Variants in GRIP1 observed in about 807,000 individuals in gnomAD.
The protein encoded by GRIP1 is glutamate receptor-interacting protein 1.
A neutral mutation model predicts 129.9 loss-of-function variants in GRIP1; 45 were observed. That is an observed-to-expected ratio of 0.35 (90% CI 0.27 to 0.44). The LOEUF (loss-of-function observed/expected upper bound fraction) is 0.44, where lower values mean the gene tolerates loss of function less well. Among genes scored for constraint, GRIP1 ranks in the 20% least tolerant of loss-of-function variants. GRIP1 has a pLI of 1.00. For missense variants in GRIP1, 1,196 were observed against 1,396.8 expected (o/e 0.86, Z 2.29); for synonymous variants, 530 against 520.8 (o/e 1.02, Z -0.24).
At chr12:66,756,979 G>A (rs572350000) in intron 1 of GRIP1, among the ~76,000 whole-genome samples, 1 of 152,236 alleles carries the variant, frequency 6.6e-6, no homozygotes, top group African/African-American at 2.4e-5. Flanking sequence ...TACAGAGTAG[G>A]TGTATATATT....
chr12:66,756,897 C>T lies in GRIP1; in HGVS notation c.-420+47156G>A, dbSNP rs570599749. ...CACTAACCATGTGGTGCTAGATAAC[C>T]GCCACTATCTCAGTCAAATCCATCT... On this transcript the variant is annotated intron_variant, in intron 1 of 4. Transcript: ENST00000538373. Among the ~76,000 whole-genome samples the T allele has an allele frequency of 1.8e-4, 28 of 152,240 alleles. No individual in the cohort carries two copies. In the South Asian group the frequency reaches 4.4e-3, roughly 24 times the overall value.
intron 1 of GRIP1, among the ~76,000 whole-genome samples, chr12:66,700,200 C>G (rs988002368): frequency 1.1e-4 from 17 of 152,050 alleles, no homozygotes; most frequent in South Asian, 4.2e-4. Context: ...GAAAGATGTT[C>G]CAGGCAGAGG....
chr12:66,546,679 A>C (rs2061957133), intron 2 of GRIP1, among the ~76,000 whole-genome samples: 1 of 152,216 alleles, frequency 6.6e-6, no homozygotes, highest in Admixed American at 6.6e-5. Context: ...TGACATCCAC[A>C]GGCAAAATAA....
At chr12:66,921,026 A>T (rs1035164462) in intron 1 of GRIP1, among the ~76,000 whole-genome samples, 1 of 152,212 alleles carries the variant, frequency 6.6e-6, no homozygotes, top group African/African-American at 2.4e-5. Flanking sequence ...GGTGACAGGA[A>T]ATTAAAGTCA....
chr12:66,624,923 G>A (rs548168846), intron 1 of GRIP1, among the ~76,000 whole-genome samples: 184 of 151,778 alleles, frequency 1.2e-3, no homozygotes, highest in African/African-American at 4.2e-3. Flanking sequence ...ACTGGGTTTT[G>A]CCATGTTTTA....
intron 11 of GRIP1, 32 bp downstream of exon 11, chr12:66,455,377 G>C (rs763853799): frequency 2.4e-5 from 39 of 1,609,346 alleles, no homozygotes; most frequent in Non-Finnish European, 6.8e-6. Flanking sequence ...GTTTTTTCCA[G>C]GCCAAATGCC....
At chr12:66,415,271 C>G (rs975975033) in intron 15 of GRIP1, among the ~76,000 whole-genome samples, 1 of 151,518 alleles carries the variant, frequency 6.6e-6, no homozygotes, top group African/African-American at 2.4e-5. Context: ...CTACAAAGAA[C>G]TTCACTTCTC....
chr12:66,389,799 T>C (rs1239549836), intron 19 of GRIP1, among the ~76,000 whole-genome samples: 5 of 152,174 alleles, frequency 3.3e-5, no homozygotes, highest in Admixed American at 6.5e-5. Flanking sequence ...CCTTTCTGAA[T>C]GTTACACTTT....
upstream of GRIP1, among the ~76,000 whole-genome samples, chr12:66,681,657 A>G (rs1260262748): frequency 6.6e-6 from 1 of 152,150 alleles, no homozygotes; most frequent in Non-Finnish European, 1.5e-5. Flanking sequence ...GTCACCAAGT[A>G]GGGGTTATGG....
At chr12:66,937,254 CT>C (rs2137430216) in intron 1 of GRIP1, among the ~76,000 whole-genome samples, 1 of 152,252 alleles carries the variant, frequency 6.6e-6, no homozygotes, top group Admixed American at 6.5e-5. Context: ...AACTCTACCC[CT>C]GACACTTGGC....
In GRIP1 at chr12:66,529,894, T is replaced by G; in HGVS notation, c.439A>C (p.Ile147Leu). 6.3e-7 allele frequency: 1 copy of G among 1,597,936 alleles called. No individual in the cohort carries two copies. Among genetic ancestry groups the G allele is most frequent in the Non-Finnish European group, 8.6e-7 (1 of 1,165,268 alleles). Reference protein sequence around the residue: ...PPVSVQGSSVIFRTVEVTLHK... With the variant: ...PPVSVQGSSVLFRTVEVTLHK... ...AATGTGACCTCCACTGTTCGGAAAA[T>G]AACACTTGATCCTTGCACAGCTGAA... Residue 147 changes from isoleucine (I) to leucine (L), a missense_variant, in exon 5 of 25, where the codon ATT (isoleucine) becomes CTT (leucine). By Grantham distance (5) the Ile-to-Leu change is conservative (BLOSUM62 2). Coordinates refer to ENST00000359742, the MANE Select transcript of GRIP1 (RefSeq NM_001366722.1).
At chr12:66,434,024 CTTTG>C (rs1281674182) in intron 13 of GRIP1, among the ~76,000 whole-genome samples, 10 of 152,174 alleles carry the variant, frequency 6.6e-5, no homozygotes, top group Non-Finnish European at 1.2e-4. Context: ...GGACTCCCTT[CTTTG>C]TTTGGCCTTG....
At chr12:66,935,060 T>A (rs958108444) in intron 1 of GRIP1, among the ~76,000 whole-genome samples, 2 of 152,212 alleles carry the variant, frequency 1.3e-5, no homozygotes, top group African/African-American at 4.8e-5. Context: ...TCATTTATTG[T>A]TCTCTTGTAT....
chr12:66,401,127 A>C (rs2056971703), intron 16 of GRIP1, among the ~76,000 whole-genome samples: 1 of 152,140 alleles, frequency 6.6e-6, no homozygotes, highest in South Asian at 2.1e-4. Context: ...GTGAGGGAGG[A>C]AAACGCCTAC....
At chr12:66,912,862 T>C (rs2041053566) in intron 1 of GRIP1, among the ~76,000 whole-genome samples, 1 of 152,154 alleles carries the variant, frequency 6.6e-6, no homozygotes, top group African/African-American at 2.4e-5. Flanking sequence ...ATGACTATTA[T>C]TTTCTTTCTC....
At chr12:66,630,419 C>A (rs991119475) in intron 1 of GRIP1, 2 of 151,960 alleles carry the variant, frequency 1.3e-5, no homozygotes, top group Non-Finnish European at 2.9e-5. Flanking sequence ...ACTTTTTCCT[C>A]TGGTCTCTTC....
At chr12:66,487,193 T>G (rs1445752642) in intron 7 of GRIP1, among the ~76,000 whole-genome samples, 4 of 152,138 alleles carry the variant, frequency 2.6e-5, no homozygotes, top group African/African-American at 9.7e-5. Context: ...AAGCCTTTAC[T>G]TCCATTGTCA....
intron 1 of GRIP1, among the ~76,000 whole-genome samples, chr12:66,880,830 C>G (rs1472927744): frequency 6.6e-6 from 1 of 152,094 alleles, no homozygotes; most frequent in African/African-American, 2.4e-5. Flanking sequence ...AAAAATCAAA[C>G]ATACTTTTGT....
chr12:66,634,499 G>T (rs1592679431), intron 1 of GRIP1, among the ~76,000 whole-genome samples: 1 of 152,070 alleles, frequency 6.6e-6, no homozygotes, highest in African/African-American at 2.4e-5. Context: ...TCTAAAGTTG[G>T]TTTTATTGGA....
Sources: allele counts gnomAD v4.1 joint callset (sites outside exome capture counted in the v4.1 genomes callset), GRCh38; gene constraint gnomAD v4.1.1; transcripts MANE v1.5; gene names NCBI Gene and HGNC (gene_info 2026-07-23, HGNC 2026-07-21).